The following KCNAB1 variants were observed in gnomAD, a reference collection of about 807,000 sequenced individuals.
KCNAB1 encodes potassium voltage-gated channel subfamily A regulatory beta subunit 1.
A neutral mutation model predicts 64.6 loss-of-function variants in KCNAB1; 35 were observed. The observed-to-expected ratio is 0.54, with a 90% CI of 0.41 to 0.72. The LOEUF (loss-of-function observed/expected upper bound fraction) is 0.72, where lower values mean the gene tolerates loss of function less well. Among genes scored for constraint, KCNAB1 ranks in the 30% least tolerant of loss-of-function variants. KCNAB1 has a pLI of 0.00. For missense variants in KCNAB1, 401 were observed against 512.9 expected, an observed-to-expected ratio of 0.78 and a Z score of 2.11; for synonymous variants, 177 against 183.8, an observed-to-expected ratio of 0.96 and a Z score of 0.30.
intron 1 of KCNAB1, among the ~76,000 whole-genome samples, chr3:156,203,857 C>G (rs775854072): frequency 1.3e-5 from 2 of 152,144 alleles, no homozygotes. Flanking sequence ...TTCAGCAAGT[C>G]TCTTTTATAG....
chr3:156,260,407 T>C (rs75739832), intron 1 of KCNAB1, among the ~76,000 whole-genome samples: 4,402 of 152,316 alleles, frequency 0.029, 86 homozygotes, highest in Non-Finnish European at 0.046. Flanking sequence ...AGTTCGCTCA[T>C]TCCTGTTTGC....
chr3:156,177,085 T>C (rs1193340361), intron 1 of KCNAB1, among the ~76,000 whole-genome samples: 1 of 152,204 alleles, frequency 6.6e-6, no homozygotes, highest in African/African-American at 2.4e-5. Context: ...GAAGGCAATA[T>C]GATGATGTCA....
intron 1 of KCNAB1, among the ~76,000 whole-genome samples, chr3:156,404,356 A>G (rs1473936074): frequency 3.9e-5 from 6 of 152,130 alleles, no homozygotes; most frequent in Non-Finnish European, 8.8e-5. Flanking sequence ...AACAGTGTGA[A>G]TAACTTGATT....
At chr3:156,449,538 C>T (rs1417570139) in intron 2 of KCNAB1, among the ~76,000 whole-genome samples, 2 of 152,190 alleles carry the variant, frequency 1.3e-5, no homozygotes, top group East Asian at 1.9e-4. Flanking sequence ...ACTTCAGTAC[C>T]GTTTTTGCAT....
intron 1 of KCNAB1, among the ~76,000 whole-genome samples, chr3:156,303,845 G>A (rs1284190219): frequency 6.6e-6 from 1 of 152,114 alleles, no homozygotes; most frequent in African/African-American, 2.4e-5. Flanking sequence ...CATTTTGCTT[G>A]GGCCTAATGC....
At chr3:156,435,651 AT>A (rs1716536326) in intron 2 of KCNAB1, among the ~76,000 whole-genome samples, 1 of 152,220 alleles carries the variant, frequency 6.6e-6, no homozygotes, top group African/African-American at 2.4e-5. Flanking sequence ...GAAGACAGAC[AT>A]TAGACAGAAG....
At chr3:156,391,834 G>A (rs1713064798) in intron 1 of KCNAB1, among the ~76,000 whole-genome samples, 1 of 152,148 alleles carries the variant, frequency 6.6e-6, no homozygotes, top group South Asian at 2.1e-4. Flanking sequence ...CAGAGGAGGG[G>A]CAGAGTGATG....
intron 8 of KCNAB1, among the ~76,000 whole-genome samples, chr3:156,506,660 GT>G (rs1204148895): frequency 6.6e-6 from 1 of 152,160 alleles, no homozygotes; most frequent in African/African-American, 2.4e-5. Flanking sequence ...GATAGAAGAG[GT>G]TTTATTGACT....
At chr3:156,131,944 G>A (rs546290928) in intron 1 of KCNAB1, among the ~76,000 whole-genome samples, 154 of 152,278 alleles carry the variant, frequency 1.0e-3, no homozygotes, top group South Asian at 2.3e-3. Context: ...GGCCAGACCT[G>A]TAAGTGGTAT....
chr3:156,405,068 C>T (rs1714158585), intron 1 of KCNAB1, among the ~76,000 whole-genome samples: 1 of 152,214 alleles, frequency 6.6e-6, no homozygotes, highest in Admixed American at 6.5e-5. Flanking sequence ...ACTCCTCTAA[C>T]TGAGACTTAA....
intron 1 of KCNAB1, among the ~76,000 whole-genome samples, chr3:156,315,935 A>G (rs536668096): frequency 1.3e-5 from 2 of 152,248 alleles, no homozygotes; most frequent in Non-Finnish European, 2.9e-5. Flanking sequence ...TTTGTATCAT[A>G]GAAGAATAAT....
At chr3:156,341,526 G>C (rs1724114532) in intron 1 of KCNAB1, among the ~76,000 whole-genome samples, 1 of 152,104 alleles carries the variant, frequency 6.6e-6, no homozygotes, top group African/African-American at 2.4e-5. Flanking sequence ...GTTGTTCTCA[G>C]AGCCCAATTG....
chr3:156,408,621 A>C (rs1456371716), intron 1 of KCNAB1, among the ~76,000 whole-genome samples: 3 of 152,058 alleles, frequency 2.0e-5, no homozygotes, highest in Non-Finnish European at 4.4e-5. Flanking sequence ...CTCAGCTAAA[A>C]ATACAAAAAT....
intron 1 of KCNAB1, among the ~76,000 whole-genome samples, chr3:156,322,647 A>G (rs1321205293): frequency 6.6e-6 from 1 of 152,218 alleles, no homozygotes; most frequent in African/African-American, 2.4e-5. Context: ...ATATATAGTG[A>G]TGCAGGTCAA....
At chr3:156,476,071 A>G (rs1387986496) in intron 8 of KCNAB1, among the ~76,000 whole-genome samples, 2 of 152,208 alleles carry the variant, frequency 1.3e-5, no homozygotes, top group Admixed American at 1.3e-4. Flanking sequence ...TTGAGAAAGC[A>G]AATCATAAGC....
At chr3:156,201,574 C>T (rs948774558) in intron 1 of KCNAB1, among the ~76,000 whole-genome samples, 7 of 152,208 alleles carry the variant, frequency 4.6e-5, no homozygotes, top group African/African-American at 9.7e-5. Context: ...GCAGTGTCAG[C>T]GCAGGGGCGG....
At chr3:156,435,061 G>T (rs1326640553) in intron 2 of KCNAB1, among the ~76,000 whole-genome samples, 2 of 152,182 alleles carry the variant, frequency 1.3e-5, no homozygotes, top group Non-Finnish European at 2.9e-5. Flanking sequence ...ATTCCCCTGG[G>T]ACTCGAGCCA....
intron 1 of KCNAB1, chr3:156,177,013 C>T: frequency 5.1e-6 from 3 of 592,246 alleles, no homozygotes; most frequent in Middle Eastern, 4.5e-4. Flanking sequence ...CATAGGGTCC[C>T]TGTAGTGCCT....
At chr3:156,519,416 A>C in intron 11 of KCNAB1, among the ~76,000 whole-genome samples, 1 of 152,144 alleles carries the variant, frequency 6.6e-6, no homozygotes, top group Non-Finnish European at 1.5e-5. Context: ...TGCCTCCCAG[A>C]AATGTCCTTC....
Sources: allele counts gnomAD v4.1 joint callset (sites outside exome capture counted in the v4.1 genomes callset), GRCh38; gene constraint gnomAD v4.1.1; transcripts MANE v1.5; gene names NCBI Gene and HGNC (gene_info 2026-07-23, HGNC 2026-07-21).